NPHS2: variants seen among roughly 807,000 people sequenced by gnomAD.
NPHS2 encodes the protein NPHS2 stomatin family member, podocin.
A neutral mutation model predicts 37.1 loss-of-function variants in NPHS2; 36 were observed. The observed-to-expected ratio is 0.97, with a 90% CI of 0.74 to 1.28. NPHS2 has a LOEUF of 1.28. Ranked by LOEUF, NPHS2 falls within the 50% of genes most tolerant of loss-of-function variation. The pLI, the probability that NPHS2 is intolerant of heterozygous loss-of-function variation, is 0.00. For synonymous variants in NPHS2, 196 were observed against 189.3 expected, an observed-to-expected ratio of 1.04 and a Z score of -0.29; for missense variants, 447 against 488.1, an observed-to-expected ratio of 0.92 and a Z score of 0.79.
chr1:179,573,861 T>C (rs1383659491), intron 1 of NPHS2, among the ~76,000 whole-genome samples: 1 of 152,258 alleles, frequency 6.6e-6, no homozygotes, highest in Non-Finnish European at 1.5e-5. Context: ...TTAGAATAAG[T>C]TGCTTGAATA....
rs1323665577 is a variant in NPHS2, at chr1:179,561,308, AG to A, written c.431del (p.Pro144LeufsTer37). 6.2e-7 allele frequency: 1 copy of A among 1,613,424 alleles called. No individual in the cohort carries two copies. Among genetic ancestry groups the A allele is most frequent in the South Asian group, 1.1e-5 (1 of 91,072 alleles). ...TTTTACCAGGGCCTTTGGCTCTTCC[AG>A]GAAGCAGATGTCCCAGTCGGAATAT... ...VIIFRLGHLL[P>X]GRAKGPGLFF... On this transcript the variant is annotated frameshift_variant, in exon 3 of 8. Coordinates refer to ENST00000367615, the MANE Select transcript of NPHS2 (RefSeq NM_014625.4). LOFTEE classifies it high-confidence loss of function.
Position 179,559,726 on chromosome 1 carries a change from G to T in NPHS2, c.487C>A (p.His163Asn). 1 of 1,592,190 alleles carries T rather than the reference G, an allele frequency of 6.3e-7. No individual in the cohort carries two copies. Among genetic ancestry groups the T allele is most frequent in the South Asian group, 1.1e-5 (1 of 87,952 alleles). Reference sequence around the variant, plus strand: ...GTTTGGAGACGAAGGTCAACCTTGTGGTAGGTATCCAGGCAGGGCAAAAAA... The same window carrying T: ...GTTTGGAGACGAAGGTCAACCTTGTTGTAGGTATCCAGGCAGGGCAAAAAA... Reference protein sequence around the residue: ...FFFLPCLDTYHKVDLRLQTLE... With the variant: ...FFFLPCLDTYNKVDLRLQTLE... Residue 163 changes from histidine to asparagine, a missense_variant, in exon 4 of 8, where the codon CAC becomes AAC. Transcript: ENST00000367615.
intron 4 of NPHS2, among the ~76,000 whole-genome samples, chr1:179,559,478 A>C (rs1009454097): frequency 7.9e-5 from 12 of 152,240 alleles, no homozygotes; most frequent in South Asian, 2.1e-4. Context: ...ATGAGATATG[A>C]TTTGCAAATA....
intron 1 of NPHS2, among the ~76,000 whole-genome samples, chr1:179,567,542 A>G (rs1236970453): frequency 4.6e-5 from 7 of 152,066 alleles, no homozygotes. Context: ...TCTTTTCCTA[A>G]CTGAATACCC....
chr1:179,575,616 C>T lies in NPHS2; in HGVS notation c.249G>A (p.Leu83=). 2 of 1,603,154 alleles carry T rather than the reference C, an allele frequency of 1.2e-6. No individual in the cohort carries two copies. Among genetic ancestry groups the T allele is most frequent in the Non-Finnish European group, 1.7e-6 (2 of 1,179,864 alleles). The change falls in exon 1 of 8, where the codon CTG becomes CTA. Residue 83 remains leucine (L), a synonymous_variant. Coordinates refer to ENST00000367615, the MANE Select transcript of NPHS2 (RefSeq NM_014625.4). ...CTTCCTCGGGCCGCTCGCTCTCCAACAGCGCCACCACCTCGGTGCCCTCCT... is the reference window on the plus strand; with the variant it reads ...CTTCCTCGGGCCGCTCGCTCTCCAATAGCGCCACCACCTCGGTGCCCTCCT... ...SGEEGTEVVA[L]LESERPEEGT...
chr1:179,555,985 A>C (rs921456563), intron 5 of NPHS2, among the ~76,000 whole-genome samples: 5 of 152,194 alleles, frequency 3.3e-5, no homozygotes, highest in African/African-American at 1.2e-4. Flanking sequence ...TTCGACTTTT[A>C]TCATGGGTTT....
At position 179,557,327 on chromosome 1, in the gene NPHS2, G is replaced by A. The variant is rs112373866; in HGVS notation, c.535-97C>T. 1.5e-3 allele frequency: 1,457 copies of A among 974,106 alleles called. 13 individuals carry two copies. The African/African-American group carries it at 0.02, about 13-fold the overall frequency. 60.3% of individuals were successfully genotyped at this position (974,106 alleles called of 1,614,324 possible). ...AATGTGTTCAAAGTGAATTTTCTCC[G>A]CAAGAGAAAAATGGAGTTGGCCTAC... On this transcript the variant is annotated intron_variant, in intron 4 of 7. Transcript: ENST00000367615.
chr1:179,573,076 C>T (rs1674622036), intron 1 of NPHS2, among the ~76,000 whole-genome samples: 1 of 152,152 alleles, frequency 6.6e-6, no homozygotes, highest in Admixed American at 6.5e-5. Flanking sequence ...AAGTGATCCT[C>T]TCACCTCAGC....
chr1:179,571,934 A>G (rs1032065435), intron 1 of NPHS2, among the ~76,000 whole-genome samples: 10 of 152,090 alleles, frequency 6.6e-5, no homozygotes, highest in African/African-American at 2.4e-4. Flanking sequence ...AAAGCACAGT[A>G]TTTGGGTGTG....
At position 179,559,754 on chromosome 1, in the gene NPHS2, GAA is replaced by G; in HGVS notation, c.457_458del (p.Phe153LeufsTer13). ...LPGRAKGPGL[F>X]FFLPCLDTYH... is the part of the protein sequence containing the mutation. ...AGGTATCCAGGCAGGGCAAAAAAAA[GAA>G]AAGACCTAAAAGAGAGGAGGAGGAA... On this transcript the variant is annotated frameshift_variant, in exon 4 of 8. Coordinates refer to ENST00000367615, the MANE Select transcript of NPHS2 (RefSeq NM_014625.4). LOFTEE classifies it high-confidence loss of function. The G allele has an allele frequency of 6.3e-7, 1 of 1,579,276 alleles. No individual in the cohort carries two copies. Among genetic ancestry groups the G allele is most frequent in the Non-Finnish European group, 8.6e-7 (1 of 1,158,558 alleles).
chr1:179,552,258 C>CTAGAAGT, intron 7 of NPHS2: 2 of 368,400 alleles, frequency 5.4e-6, no homozygotes, highest in South Asian at 2.4e-5. Flanking sequence ...TAGGGGATAC[C>CTAGAAGT]TAGAAGTTAG....
chr1:179,561,898 C>CA (rs1674152454), intron 2 of NPHS2, among the ~76,000 whole-genome samples: 1 of 152,030 alleles, frequency 6.6e-6, no homozygotes, highest in Non-Finnish European at 1.5e-5. Flanking sequence ...CTCTGCCTCC[C>CA]GGGTTCAAGC....
chr1:179,566,996 T>A (rs901600544), intron 1 of NPHS2, among the ~76,000 whole-genome samples: 8 of 141,678 alleles, frequency 5.6e-5, no homozygotes, highest in African/African-American at 2.0e-4. Flanking sequence ...AGTCAGGTAG[T>A]GTGATGCCTC....
At chr1:179,565,971 T>C (rs1373975742) in intron 1 of NPHS2, among the ~76,000 whole-genome samples, 2 of 152,236 alleles carry the variant, frequency 1.3e-5, no homozygotes, top group Non-Finnish European at 2.9e-5. Context: ...CAGTCTATTA[T>C]TGATGGACAT....
At position 179,551,403 on chromosome 1, in the gene NPHS2, C is replaced by A. The variant is rs780106305; in HGVS notation, c.922G>T (p.Ala308Ser). ...EKAASESLRM[A>S]AEILSGTPAA... Reference sequence around the variant, plus strand: ...GGGGTGCCTGACAGAATCTCAGCTGCCATCCTCAGGGACTCAGAAGCAGCC... The same window carrying A: ...GGGGTGCCTGACAGAATCTCAGCTGACATCCTCAGGGACTCAGAAGCAGCC... Residue 308 changes from alanine to serine, a missense_variant, in exon 8 of 8, where the codon GCA becomes TCA. Ala to Ser is a moderately conservative substitution (Grantham distance 99). Coordinates refer to ENST00000367615, the MANE Select transcript of NPHS2 (RefSeq NM_014625.4). The A allele has an allele frequency of 6.2e-7, 1 of 1,614,030 alleles. No homozygotes were observed. Among genetic ancestry groups the A allele is most frequent in the Non-Finnish European group, 8.5e-7 (1 of 1,179,994 alleles).
rs1408481909 is a variant in NPHS2 at position 179,564,747 on chromosome 1, G to A, written c.321C>T (p.Leu107=). The change falls in exon 2 of 8, where the codon CTC becomes CTT. Residue 107 remains leucine, a synonymous_variant. Coordinates refer to ENST00000367615, the MANE Select transcript of NPHS2 (RefSeq NM_014625.4). ...TCATGATGATGAAGAGCAGGGAAAT[G>A]AGGACAAGAAGCCACTCACAGGCCC... ...GLGACEWLLV[L]ISLLFIIMTF... The A allele has an allele frequency of 1.9e-6, 3 of 1,614,184 alleles. No individual in the cohort carries two copies. Among genetic ancestry groups the A allele is most frequent in the Non-Finnish European group, 2.5e-6 (3 of 1,180,024 alleles).
chr1:179,572,833 T>C (rs1674615406), intron 1 of NPHS2, among the ~76,000 whole-genome samples: 2 of 151,706 alleles, frequency 1.3e-5, no homozygotes. Flanking sequence ...TCTTTCATCT[T>C]TCCTTCTTTT....
chr1:179,573,491 C>T (rs1471719996), intron 1 of NPHS2, among the ~76,000 whole-genome samples: 1 of 152,204 alleles, frequency 6.6e-6, no homozygotes, highest in Non-Finnish European at 1.5e-5. Context: ...GCTTTGTTTA[C>T]ACACATTTGA....
At chr1:179,555,879 A>G (rs1047294401) in intron 5 of NPHS2, among the ~76,000 whole-genome samples, 7 of 152,146 alleles carry the variant, frequency 4.6e-5, no homozygotes, top group Non-Finnish European at 1.0e-4. Flanking sequence ...GGACCAAGAG[A>G]TGGATAAAAC....
Sources: allele counts gnomAD v4.1 joint callset (sites outside exome capture counted in the v4.1 genomes callset), GRCh38; gene constraint gnomAD v4.1.1; transcripts MANE v1.5; gene names NCBI Gene and HGNC (gene_info 2026-07-23, HGNC 2026-07-21).